Variants in CSNK1E observed in about 807,000 individuals in gnomAD.
CSNK1E encodes casein kinase I isoform epsilon.
A neutral mutation model predicts 46.1 loss-of-function variants in CSNK1E; 17 were observed. The observed-to-expected ratio is 0.37, with a 90% CI of 0.25 to 0.55. The LOEUF is 0.55. Among genes scored for constraint, CSNK1E ranks in the 20% least tolerant of loss-of-function variants. CSNK1E has a pLI of 0.82. For synonymous variants in CSNK1E, 241 were observed against 242.6 expected (o/e 0.99, Z 0.06); for missense variants, 386 against 595.4 (o/e 0.65, Z 3.66).
rs549797853 is a variant in CSNK1E, at chr22:38,314,178, G to T, written c.-12-9C>A. The T allele has an allele frequency of 4.1e-5, 66 of 1,612,952 alleles. 1 individual carries two copies. The South Asian group carries it at 6.8e-4, about 17-fold the overall frequency. ...TCCATGGCTCACTCTTGCTGCAGAG[G>T]AAGCAGGAACATGAGGGTCAGCGAC... On this transcript the variant is annotated splice_polypyrimidine_tract_variant and intron_variant, in intron 1 of 10. Transcript: ENST00000396832.
intron 7 of CSNK1E, chr22:38,297,180 G>A: frequency 1.3e-6 from 1 of 777,528 alleles, no homozygotes; most frequent in Non-Finnish European, 2.4e-6. Flanking sequence ...ATCCATTCTT[G>A]CAGTTGTGCT....
In CSNK1E at chr22:38,294,030, G is replaced by C; in HGVS notation, c.1218+79C>G. On this transcript the variant is annotated intron_variant, in intron 9 of 10. Transcript: ENST00000396832. The surrounding 1 kb of genome is among the most constrained non-coding windows in gnomAD (Gnocchi z 5.5). ...CAGCGTCGATGGAAAGGGAAGAACA[G>C]AGCCACGGCCTGACCTCCCACTGGG... 1 of 1,511,058 alleles carries C rather than the reference G, an allele frequency of 6.6e-7. No homozygotes were observed. The highest frequency in any genetic ancestry group is 8.9e-7 in the Non-Finnish European group (1 of 1,120,692). The allele number at this position is 1,511,058 out of a possible 1,614,324, so 93.6% of individuals were successfully genotyped here.
chr22:38,305,429 AT>A (rs765425430), intron 2 of CSNK1E, among the ~76,000 whole-genome samples: 29 of 56,010 alleles, frequency 5.2e-4, no homozygotes, highest in African/African-American at 7.9e-4. Context: ...TCCTAAAGCC[AT>A]TTAAAAAAAA....
In CSNK1E at chr22:38,294,672, C is replaced by T. The variant is rs541993141; in HGVS notation, c.886-138G>A. ...CTTCTGCTCCAGCCTCCCTGACAAGCGCGGGAAGCCAAGACCCACAATCAC... is the reference window on the plus strand; with the variant it reads ...CTTCTGCTCCAGCCTCCCTGACAAGTGCGGGAAGCCAAGACCCACAATCAC... On this transcript the variant is annotated intron_variant, in intron 7 of 10. Coordinates refer to ENST00000396832, the MANE Select transcript of CSNK1E (RefSeq NM_152221.3). The surrounding 1 kb of genome is among the most constrained non-coding windows in gnomAD (Gnocchi z 5.5). The T allele has an allele frequency of 3.4e-5, 27 of 794,272 alleles. No homozygotes were observed. Among genetic ancestry groups the T allele is most frequent in the Non-Finnish European group, 4.0e-5 (21 of 519,418 alleles). 49.2% of individuals were successfully genotyped at this position (794,272 alleles called of 1,614,324 possible).
intron 6 of CSNK1E, among the ~76,000 whole-genome samples, 165 bp downstream of exon 6, chr22:38,299,730 G>C (rs940695077): frequency 2.6e-5 from 4 of 152,198 alleles, no homozygotes; most frequent in Non-Finnish European, 5.9e-5. Flanking sequence ...GGCTGGTCTC[G>C]ACCTCCTGAC....
Position 38,298,704 on chromosome 22 carries a change from G to A in CSNK1E, c.885+82C>T, listed in dbSNP as rs952654275. 1.6e-5 allele frequency: 25 copies of A among 1,542,804 alleles called. No individual in the cohort carries two copies. The highest frequency in any genetic ancestry group is 2.0e-5 in the Non-Finnish European group (22 of 1,123,452). On this transcript the variant is annotated intron_variant, in intron 7 of 10. Transcript: ENST00000396832. The surrounding 1 kb of genome is among the most constrained non-coding windows in gnomAD (Gnocchi z 4.2). ...CTCCCGTCTGTCGGGAGCCCCTCCCGCCACCAGCTCACTCTGGCCCTCTGA... is the reference window on the plus strand; with the variant it reads ...CTCCCGTCTGTCGGGAGCCCCTCCCACCACCAGCTCACTCTGGCCCTCTGA...
chr22:38,296,904 A>T (rs2092643787), intron 7 of CSNK1E: 2 of 619,616 alleles, frequency 3.2e-6, no homozygotes, highest in Non-Finnish European at 5.7e-6. Flanking sequence ...CCTCCCAAGC[A>T]GCTGGGATTA....
At chr22:38,292,549 A>G (rs775581715) in intron 10 of CSNK1E, 3 of 152,236 alleles carry the variant, frequency 2.0e-5, no homozygotes, top group African/African-American at 7.2e-5. Context: ...AATTTCTACA[A>G]AACAGACCAC....
At chr22:38,312,240 C>T (rs529999205) in intron 2 of CSNK1E, among the ~76,000 whole-genome samples, 3 of 152,330 alleles carry the variant, frequency 2.0e-5, no homozygotes, top group South Asian at 4.1e-4. Context: ...AGGCGCGTGC[C>T]GCCATGCCCA....
At position 38,309,169 on chromosome 22, in the gene CSNK1E, G is replaced by A. The variant is rs1226743378; in HGVS notation, c.76+4913C>T. 6.6e-6 allele frequency among the ~76,000 whole-genome samples: 1 copy of A among 152,176 alleles called. No homozygotes were observed. The highest frequency in any genetic ancestry group is 1.5e-5 in the Non-Finnish European group (1 of 68,022). The stretch of plus-strand genomic sequence containing the variant: ...AGATCTTGACATATGTCTCCTGGGG[G>A]ACAAAAATCACCCTGTTGAGGCTAC... On this transcript the variant is annotated intron_variant, in intron 2 of 10. Coordinates refer to ENST00000396832, the MANE Select transcript of CSNK1E (RefSeq NM_152221.3). The surrounding 1 kb of genome is among the most constrained non-coding windows in gnomAD (Gnocchi z 4.8).
Position 38,314,067 on chromosome 22 carries a change from G to A in CSNK1E, c.76+15C>T. The A allele has an allele frequency of 1.9e-6, 3 of 1,611,448 alleles. No individual in the cohort carries two copies. Among genetic ancestry groups the A allele is most frequent in the Admixed American group, 3.3e-5 (2 of 60,006 alleles). ...GCTGGCCCCAGGGGCTCCAGCTGGA[G>A]CTAGGAACACTTACCCAGGTAGATA... On this transcript the variant is annotated intron_variant, in intron 2 of 10. Coordinates refer to ENST00000396832, the MANE Select transcript of CSNK1E (RefSeq NM_152221.3).
At chr22:38,293,345 G>A (rs769014406) in intron 9 of CSNK1E, 26 bp from the exon 10 acceptor site, 6 of 1,483,312 alleles carry the variant, frequency 4.0e-6, no homozygotes, top group Admixed American at 1.7e-5. Flanking sequence ...AGGGAGAGAG[G>A]GGGAGGGAGA....
chr22:38,314,106 C>T lies in CSNK1E; in HGVS notation c.52G>A (p.Gly18Arg), dbSNP rs768049492. The T allele has an allele frequency of 6.2e-7, 1 of 1,614,100 alleles. No homozygotes were observed. Among genetic ancestry groups the T allele is most frequent in the Non-Finnish European group, 8.5e-7 (1 of 1,179,984 alleles). Residue 18 changes from glycine to arginine, a missense_variant, in exon 2 of 11, where the codon GGG (glycine) becomes AGG (arginine). This residue lies in a region of CSNK1E where 212 missense variants were observed against 410.2 expected (regional missense o/e 0.52). Coordinates refer to ENST00000396832, the MANE Select transcript of CSNK1E (RefSeq NM_152221.3). ...KYRLGRKIGS[G>R]SFGDIYLGAN... Reference sequence around the variant, plus strand: ...CCCAGGTAGATATCTCCGAAGGACCCGCTCCCGATCTTCCGTCCCAGGCGG... The same window carrying T: ...CCCAGGTAGATATCTCCGAAGGACCTGCTCCCGATCTTCCGTCCCAGGCGG...
Position 38,300,561 on chromosome 22 carries a change from A to G in CSNK1E, c.565+163T>C, listed in dbSNP as rs2092665690. 6.6e-6 allele frequency among the ~76,000 whole-genome samples: 1 copy of G among 152,230 alleles called. No individual in the cohort carries two copies. Among genetic ancestry groups the G allele is most frequent in the Admixed American group, 6.5e-5 (1 of 15,282 alleles). Reference sequence around the variant, plus strand: ...ACGAAGGGGAAGACCCGACTGTGCAAGGACACGGAATAAGCACGAGCTTGG... The same window carrying G: ...ACGAAGGGGAAGACCCGACTGTGCAGGGACACGGAATAAGCACGAGCTTGG... On this transcript the variant is annotated intron_variant, in intron 5 of 10. Coordinates refer to ENST00000396832, the MANE Select transcript of CSNK1E (RefSeq NM_152221.3). The surrounding 1 kb of genome is among the most constrained non-coding windows in gnomAD (Gnocchi z 4.4).
In CSNK1E at chr22:38,294,176, G is replaced by A. The variant is rs200745813; in HGVS notation, c.1151C>T (p.Ala384Val). The change falls in exon 9 of 11, where the codon GCG (alanine) becomes GTG (valine). Residue 384 changes from alanine to valine, a missense_variant. Physicochemically the swap from Ala to Val is moderately conservative, Grantham distance 64. Transcript: ENST00000396832. The surrounding 1 kb of genome is among the most constrained non-coding windows in gnomAD (Gnocchi z 5.5). Reference sequence around the variant, plus strand: ...GTCTGAGGAGGAGACGTTGGCGGGCGCACCCCTGTGCAGCCTCATACTCAC... The same window carrying A: ...GTCTGAGGAGGAGACGTTGGCGGGCACACCCCTGTGCAGCCTCATACTCAC... ...RKVSMRLHRG[A>V]PANVSSSDLT... 26 of 1,612,054 alleles carry A rather than the reference G, an allele frequency of 1.6e-5. No individual in the cohort carries two copies. Among genetic ancestry groups the A allele is most frequent in the Non-Finnish European group, 1.8e-5 (21 of 1,179,758 alleles).
intron 4 of CSNK1E, 124 bp downstream of exon 4, chr22:38,302,737 T>C (rs1185194120): frequency 2.6e-5 from 29 of 1,121,840 alleles, no homozygotes; most frequent in Non-Finnish European, 3.4e-5. Context: ...CCTACAATTC[T>C]ATAGCCAGTG....
Position 38,303,361 on chromosome 22 carries a change from C to T in CSNK1E, c.77-113G>A, listed in dbSNP as rs2092683712. ...CGTGTGCCGGGCCCGGGGCCATCTG[C>T]CCTTGAGGAGCTCTTGGGGGAGGCT... On this transcript the variant is annotated intron_variant, in intron 2 of 10. Coordinates refer to ENST00000396832, the MANE Select transcript of CSNK1E (RefSeq NM_152221.3). This position sits in a 1 kb window ranked among gnomAD's most constrained non-coding sequence, Gnocchi z 4.7. 2.3e-6 allele frequency: 2 copies of T among 877,922 alleles called. No individual in the cohort carries two copies. Among genetic ancestry groups the T allele is most frequent in the African/African-American group, 3.4e-5 (2 of 59,164 alleles). 54.4% of individuals were successfully genotyped at this position (877,922 alleles called of 1,614,324 possible).
intron 2 of CSNK1E, among the ~76,000 whole-genome samples, chr22:38,305,432 TAAAAA>T (rs10618230): frequency 8.8e-6 from 1 of 113,958 alleles, no homozygotes; most frequent in African/African-American, 3.3e-5. Context: ...TAAAGCCATT[TAAAAA>T]AAAAAAAAAA....
chr22:38,294,040 CT>C lies in CSNK1E; in HGVS notation c.1218+68del. The C allele has an allele frequency of 6.5e-7, 1 of 1,541,900 alleles. No homozygotes were observed. Among genetic ancestry groups the C allele is most frequent in the Non-Finnish European group, 8.8e-7 (1 of 1,139,026 alleles). ...GGAAAGGGAAGAACAGAGCCACGGC[CT>C]GACCTCCCACTGGGGGGTCTCTAAC... On this transcript the variant is annotated intron_variant, in intron 9 of 10. Coordinates refer to ENST00000396832, the MANE Select transcript of CSNK1E (RefSeq NM_152221.3). This position sits in a 1 kb window ranked among gnomAD's most constrained non-coding sequence, Gnocchi z 5.5.
Sources: gnomAD v4.1 joint callset for allele counts (sites outside exome capture counted in the v4.1 genomes callset) on GRCh38, gnomAD v4.1.1 for gene constraint, gnomAD v4.1.1 regional missense constraint, Gnocchi (gnomAD v3.1) non-coding constraint, MANE v1.5 for transcripts, NCBI Gene and HGNC (gene_info 2026-07-23, HGNC 2026-07-21) for gene names.